KANSL1: variants seen among roughly 807,000 people sequenced by gnomAD.
The protein encoded by KANSL1 is MLL1/MLL complex subunit KANSL1.
Under a neutral mutation model 103.6 loss-of-function variants are expected in KANSL1, and 22 were observed. The ratio of observed to expected loss-of-function variants is 0.21; its 90% CI spans 0.15 to 0.30. KANSL1 has a LOEUF of 0.30. Among genes scored for constraint, KANSL1 ranks in the 10% least tolerant of loss-of-function variants. The pLI is 1.00. For missense variants in KANSL1, 1,337 were observed against 1,399.8 expected (o/e 0.96, Z 0.72); for synonymous variants, 600 against 527.6 (o/e 1.14, Z -1.88).
At chr17:46,143,588 A>G (rs1462966200) in intron 2 of KANSL1, among the ~76,000 whole-genome samples, 2 of 152,046 alleles carry the variant, frequency 1.3e-5, no homozygotes, top group Non-Finnish European at 2.9e-5. Context: ...GTAGATCACG[A>G]GGTCAGGAGA....
At chr17:46,166,872 C>T (rs1464913510) in intron 2 of KANSL1, among the ~76,000 whole-genome samples, 2 of 152,168 alleles carry the variant, frequency 1.3e-5, no homozygotes, top group Non-Finnish European at 2.9e-5. Context: ...ACATCTTTCT[C>T]CCTGAGGTCT....
chr17:46,150,018 T>A (rs2044999172), intron 2 of KANSL1, among the ~76,000 whole-genome samples: 1 of 142,408 alleles, frequency 7.0e-6, no homozygotes, highest in Non-Finnish European at 1.5e-5. Context: ...CGAGACTCCA[T>A]CTCAAAAATA....
At chr17:46,073,338 CAG>C (rs2078643732) in intron 4 of KANSL1, among the ~76,000 whole-genome samples, 1 of 152,136 alleles carries the variant, frequency 6.6e-6, no homozygotes, top group South Asian at 2.1e-4. Context: ...ATTTTACAAA[CAG>C]AAACTAACAC....
chr17:46,137,514 C>A, intron 2 of KANSL1, among the ~76,000 whole-genome samples: 1 of 152,206 alleles, frequency 6.6e-6, no homozygotes, highest in East Asian at 1.9e-4. Context: ...TGTACCCCCT[C>A]GATACAATTG....
At chr17:46,117,499 A>G (rs894454509) in intron 2 of KANSL1, among the ~76,000 whole-genome samples, 2 of 152,260 alleles carry the variant, frequency 1.3e-5, no homozygotes, top group Non-Finnish European at 2.9e-5. Context: ...GGTCTGTTAA[A>G]TAGATATTAG....
At chr17:46,168,285 C>G (rs936806383) in intron 2 of KANSL1, among the ~76,000 whole-genome samples, 1 of 152,192 alleles carries the variant, frequency 6.6e-6, no homozygotes, top group Non-Finnish European at 1.5e-5. Flanking sequence ...AGAGTCAACC[C>G]GGTGATCTTG....
At chr17:46,135,267 T>TAAA (rs35173354) in intron 2 of KANSL1, among the ~76,000 whole-genome samples, 1 of 147,926 alleles carries the variant, frequency 6.8e-6, no homozygotes, top group Non-Finnish European at 1.5e-5. Flanking sequence ...GTGGTCTAGA[T>TAAA]AAAAAAAAAA....
chr17:46,103,416 G>A (rs180979507), intron 2 of KANSL1, among the ~76,000 whole-genome samples: 2 of 152,226 alleles, frequency 1.3e-5, no homozygotes, highest in Non-Finnish European at 2.9e-5. Context: ...ATTTCGGTAT[G>A]TTTCCAAAAT....
At chr17:46,128,744 G>A (rs1420798933) in intron 2 of KANSL1, among the ~76,000 whole-genome samples, 2 of 152,226 alleles carry the variant, frequency 1.3e-5, no homozygotes, top group African/African-American at 4.8e-5. Flanking sequence ...CAAAAGAGAG[G>A]TGATAAAGAC....
intron 2 of KANSL1, among the ~76,000 whole-genome samples, chr17:46,145,093 C>CG (rs1288743597): frequency 6.6e-6 from 1 of 152,224 alleles, no homozygotes; most frequent in Non-Finnish European, 1.5e-5. Context: ...ACAAGTACTA[C>CG]TTAAGTTCTA....
At chr17:46,066,073 G>C (rs1051985614) in intron 6 of KANSL1, among the ~76,000 whole-genome samples, 1 of 152,096 alleles carries the variant, frequency 6.6e-6, no homozygotes, top group Non-Finnish European at 1.5e-5. Flanking sequence ...TTCCAGGCTG[G>C]TATTCAATTC....
chr17:46,113,157 C>T (rs2042896118), intron 2 of KANSL1, among the ~76,000 whole-genome samples: 1 of 152,184 alleles, frequency 6.6e-6, no homozygotes, highest in Non-Finnish European at 1.5e-5. Flanking sequence ...GCCAGAGATG[C>T]CGCTAACCAT....
chr17:46,208,173 A>G (rs961140950), intron 1 of KANSL1, among the ~76,000 whole-genome samples: 2 of 152,338 alleles, frequency 1.3e-5, no homozygotes, highest in South Asian at 2.1e-4. Context: ...ACGAGATGCT[A>G]AAGAAATAAT....
intron 2 of KANSL1, among the ~76,000 whole-genome samples, chr17:46,115,896 T>C (rs770228490): frequency 6.6e-6 from 1 of 152,234 alleles, no homozygotes; most frequent in Non-Finnish European, 1.5e-5. Flanking sequence ...TGCTGGACAG[T>C]AAGTTATCAC....
rs1464144776 is a variant in KANSL1 at position 46,052,963 on chromosome 17, CCAAAA to C, written c.1849-2264_1849-2260del. On this transcript the variant is annotated intron_variant, in intron 6 of 14. Transcript: ENST00000432791. ...TGGGAAAAAGAGTAAGATCCTGTCT[CCAAAA>C]AAAAAAAAAAAAAAAAAAAAAAAAA... 5.4e-3 allele frequency among the ~76,000 whole-genome samples: 232 copies of C among 43,140 alleles called. 6 individuals are homozygous for C. The highest frequency in any genetic ancestry group is 0.022 in the African/African-American group (220 of 9,804). The allele number at this position is 43,140 out of a possible 152,430, so 28.3% of individuals were successfully genotyped here. A position where few individuals can be genotyped will look rare whatever the true frequency, so the allele number is the denominator to read the frequency against.
At chr17:46,114,490 T>G (rs1419468959) in intron 2 of KANSL1, among the ~76,000 whole-genome samples, 2 of 152,214 alleles carry the variant, frequency 1.3e-5, no homozygotes. Flanking sequence ...TAGAAAAACT[T>G]TATTCTAATG....
chr17:46,166,757 T>C (rs1320352771), intron 2 of KANSL1, among the ~76,000 whole-genome samples: 1 of 152,166 alleles, frequency 6.6e-6, no homozygotes, highest in Non-Finnish European at 1.5e-5. Context: ...TAGCTCTAAA[T>C]TTCCAGATGT....
chr17:46,146,608 C>T (rs1002049756), intron 2 of KANSL1, among the ~76,000 whole-genome samples: 6 of 112,498 alleles, frequency 5.3e-5, no homozygotes, highest in East Asian at 3.9e-4. Flanking sequence ...CCGAAGCCGG[C>T]GGATCACGAG....
At chr17:46,177,382 A>C (rs1597890117) in intron 1 of KANSL1, among the ~76,000 whole-genome samples, 1 of 152,256 alleles carries the variant, frequency 6.6e-6, no homozygotes, top group African/African-American at 2.4e-5. Context: ...TTAGTACTTT[A>C]ATCTTTTCCC....
Sources: allele counts gnomAD v4.1 joint callset (sites outside exome capture counted in the v4.1 genomes callset), GRCh38; gene constraint gnomAD v4.1.1; transcripts MANE v1.5; gene names NCBI Gene and HGNC (gene_info 2026-07-23, HGNC 2026-07-21).